CNTNAP2: variants seen among roughly 807,000 people sequenced by gnomAD.
CNTNAP2 encodes contactin associated protein 2.
Under a neutral mutation model 155.2 loss-of-function variants are expected in CNTNAP2, and 98 were observed. The observed-to-expected ratio is 0.63, with a 90% CI of 0.54 to 0.75. The LOEUF is 0.75. Ranked by LOEUF, CNTNAP2 falls within the 30% of genes least tolerant of loss-of-function variation. The probability of loss-of-function intolerance (pLI) is 0.00; values close to 1 mark genes in which losing one functional copy is unlikely to be tolerated. For missense variants in CNTNAP2, 1,727 were observed against 1,688.1 expected, an observed-to-expected ratio of 1.02 and a Z score of -0.40; for synonymous variants, 651 against 631.2, an observed-to-expected ratio of 1.03 and a Z score of -0.47.
intron 13 of CNTNAP2, among the ~76,000 whole-genome samples, chr7:147,852,602 A>C (rs1269921939): frequency 6.6e-6 from 1 of 152,198 alleles, no homozygotes; most frequent in Non-Finnish European, 1.5e-5. Context: ...TGCATTTTCT[A>C]GTTTTCATTC....
intron 15 of CNTNAP2, among the ~76,000 whole-genome samples, chr7:148,024,502 G>A (rs576821421): frequency 1.3e-5 from 2 of 152,106 alleles, no homozygotes; most frequent in East Asian, 1.9e-4. Context: ...GCTTCAGTCC[G>A]CTATGATACT....
chr7:148,119,461 G>A (rs996383633), intron 16 of CNTNAP2, among the ~76,000 whole-genome samples: 7 of 152,094 alleles, frequency 4.6e-5, no homozygotes, highest in Non-Finnish European at 7.4e-5. Flanking sequence ...AAGTAAACCC[G>A]GGAGGCGGAG....
At chr7:147,065,094 T>G (rs562859711) in intron 4 of CNTNAP2, among the ~76,000 whole-genome samples, 2 of 152,326 alleles carry the variant, frequency 1.3e-5, no homozygotes, top group South Asian at 4.1e-4. Context: ...ACAAGAAATC[T>G]ACTGTAATAT....
At position 147,569,556 on chromosome 7, in the gene CNTNAP2, A is replaced by G. The variant is rs567638551; in HGVS notation, c.1897+7299A>G. ...ACACCATTCTGTTACAATTGTCCACAGTATTCAGTACAGTAATATGCTGTA... is the reference window on the plus strand; with the variant it reads ...ACACCATTCTGTTACAATTGTCCACGGTATTCAGTACAGTAATATGCTGTA... On this transcript the variant is annotated intron_variant, in intron 12 of 23. Transcript: ENST00000361727. 1.5e-3 allele frequency among the ~76,000 whole-genome samples: 232 copies of G among 152,298 alleles called. 3 individuals carry two copies. Among genetic ancestry groups the G allele is most frequent in the South Asian group, 0.01 (49 of 4,826 alleles).
intron 3 of CNTNAP2, among the ~76,000 whole-genome samples, chr7:146,928,344 T>G (rs1796653324): frequency 6.6e-6 from 1 of 152,214 alleles, no homozygotes; most frequent in African/African-American, 2.4e-5. Flanking sequence ...TTCTAAGCAC[T>G]GTGGATATGG....
chr7:148,057,493 C>A (rs796085490), intron 15 of CNTNAP2, among the ~76,000 whole-genome samples: 5 of 152,212 alleles, frequency 3.3e-5, no homozygotes, highest in African/African-American at 1.2e-4. Flanking sequence ...TAATACACAC[C>A]CCTTTTAACC....
rs375788697 is a variant in CNTNAP2 at position 146,687,524 on chromosome 7, G to A, written c.98-86747G>A. ...AAGAAGGGAACGACTCGACTTAAAA[G>A]TTTTCTGGTAGTTCTTATCTAAATG... On this transcript the variant is annotated intron_variant, in intron 1 of 23. Transcript: ENST00000361727. 4.3e-3 allele frequency among the ~76,000 whole-genome samples: 656 copies of A among 152,196 alleles called. 6 individuals are homozygous for A. The highest frequency in any genetic ancestry group is 0.015 in the African/African-American group (614 of 41,516).
intron 10 of CNTNAP2, among the ~76,000 whole-genome samples, chr7:147,431,987 G>A (rs764827188): frequency 5.3e-5 from 8 of 152,138 alleles, no homozygotes; most frequent in Non-Finnish European, 8.8e-5. Context: ...ATCTGGGTTT[G>A]TTTAACATGC....
chr7:146,550,645 G>T (rs781576670), intron 1 of CNTNAP2, among the ~76,000 whole-genome samples: 7 of 151,826 alleles, frequency 4.6e-5, no homozygotes, highest in Non-Finnish European at 1.0e-4. Flanking sequence ...TACAATGTTT[G>T]TATGTATCAC....
rs186813203 is a variant in CNTNAP2 at position 146,304,105 on chromosome 7, T to A, written c.97+187132T>A. Among the ~76,000 whole-genome samples the A allele has an allele frequency of 2.5e-3, 380 of 151,880 alleles. 4 individuals carry two copies. The highest frequency in any genetic ancestry group is 4.0e-3 in the Non-Finnish European group (273 of 67,952). The stretch of plus-strand genomic sequence containing the variant: ...GGATTGCAAACCCTGCTTTTTTTTT[T>A]TTTTTCCATTTGCTTGGTAGATCTT... On this transcript the variant is annotated intron_variant, in intron 1 of 23. Coordinates refer to ENST00000361727, the MANE Select transcript of CNTNAP2 (RefSeq NM_014141.6).
At chr7:147,783,699 A>C (rs1797690558) in intron 13 of CNTNAP2, among the ~76,000 whole-genome samples, 2 of 152,220 alleles carry the variant, frequency 1.3e-5, no homozygotes, top group South Asian at 4.1e-4. Context: ...GGAGGTGATT[A>C]GGTCTTGAGA....
intron 8 of CNTNAP2, among the ~76,000 whole-genome samples, chr7:147,209,592 A>G (rs1729240020): frequency 6.6e-6 from 1 of 151,860 alleles, no homozygotes; most frequent in Non-Finnish European, 1.5e-5. Flanking sequence ...CTCTTGCTTG[A>G]TTGCTCTGGC....
intron 11 of CNTNAP2, among the ~76,000 whole-genome samples, chr7:147,560,695 G>A (rs537369409): frequency 1.3e-4 from 20 of 151,788 alleles, no homozygotes; most frequent in Admixed American, 3.9e-4. Flanking sequence ...AATGCCTAAC[G>A]CACTGCTCAG....
chr7:147,826,702 A>G (rs1798456290), intron 13 of CNTNAP2, among the ~76,000 whole-genome samples: 2 of 152,210 alleles, frequency 1.3e-5, no homozygotes, highest in East Asian at 3.9e-4. Flanking sequence ...ATTTCAACAG[A>G]TAGAGAACGC....
chr7:146,559,421 AACTGGGTGTGTTGGCGTGTGGCT>A (rs1798247448), intron 1 of CNTNAP2, among the ~76,000 whole-genome samples: 1 of 151,990 alleles, frequency 6.6e-6, no homozygotes, highest in South Asian at 2.1e-4. Flanking sequence ...TATAAAAATT[AACTGGGTGTGTTGGCGTGTGGCT>A]GTAGTCCCAG....
At chr7:148,327,480 C>A (rs1401713014) in intron 21 of CNTNAP2, among the ~76,000 whole-genome samples, 1 of 152,210 alleles carries the variant, frequency 6.6e-6, no homozygotes, top group Non-Finnish European at 1.5e-5. Flanking sequence ...CTATCAAGTG[C>A]TATTGAACAC....
chr7:146,872,951 A>G, intron 3 of CNTNAP2, among the ~76,000 whole-genome samples: 1 of 152,216 alleles, frequency 6.6e-6, no homozygotes, highest in East Asian at 1.9e-4. Context: ...CTATCCCAAC[A>G]TAGCACCTGC....
In CNTNAP2 at chr7:147,050,711, G is replaced by A. The variant is rs183119711; in HGVS notation, c.550+6657G>A. Reference sequence around the variant, plus strand: ...GATGCTGCCATGTACAGATGTGTTAGTTTCCTGGGGTCTCTGTAAAACAGT... The same window carrying A: ...GATGCTGCCATGTACAGATGTGTTAATTTCCTGGGGTCTCTGTAAAACAGT... On this transcript the variant is annotated intron_variant, in intron 4 of 23. Coordinates refer to ENST00000361727, the MANE Select transcript of CNTNAP2 (RefSeq NM_014141.6). Among the ~76,000 whole-genome samples, 5 of 152,236 alleles carry A rather than the reference G, an allele frequency of 3.3e-5. No individual in the cohort carries two copies. In the East Asian group the frequency reaches 9.7e-4, roughly 29 times the overall value.
intron 3 of CNTNAP2, among the ~76,000 whole-genome samples, chr7:146,896,631 T>C (rs2129212644): frequency 6.6e-6 from 1 of 152,194 alleles, no homozygotes; most frequent in East Asian, 1.9e-4. Flanking sequence ...ATTGCAAATT[T>C]GCCATTATTT....
Sources: allele counts gnomAD v4.1 joint callset (sites outside exome capture counted in the v4.1 genomes callset), GRCh38; gene constraint gnomAD v4.1.1; transcripts MANE v1.5; gene names NCBI Gene and HGNC (gene_info 2026-07-23, HGNC 2026-07-21).